UNC80: variants seen among roughly 807,000 people sequenced by gnomAD.
The protein encoded by UNC80 is unc-80 subunit of NALCN channel complex.
In UNC80, 164 loss-of-function variants were observed where a neutral mutation model predicts 384.6. That is an observed-to-expected ratio of 0.43 (90% CI 0.38 to 0.49). The LOEUF (loss-of-function observed/expected upper bound fraction) is 0.49. Among genes scored for constraint, UNC80 ranks in the 20% least tolerant of loss-of-function variants. The probability of loss-of-function intolerance (pLI) is 0.00; values close to 1 mark genes in which losing one functional copy is unlikely to be tolerated. For synonymous variants in UNC80, 1,486 were observed against 1,527.8 expected, an observed-to-expected ratio of 0.97 and a Z score of 0.64; for missense variants, 3,330 against 4,143.0, an observed-to-expected ratio of 0.80 and a Z score of 5.39.
chr2:209,969,933 T>C (rs368222473), intron 53 of UNC80, 42 bp downstream of exon 53: 8 of 1,547,742 alleles, frequency 5.2e-6, no homozygotes, highest in Non-Finnish European at 7.0e-6. Flanking sequence ...TTGCACAATG[T>C]AACTCTGCTA....
At position 209,996,453 on chromosome 2, in the gene UNC80, G is replaced by A. The variant is rs1254295892; in HGVS notation, c.*858G>A. On this transcript the variant is annotated 3_prime_UTR_variant, in exon 65 of 65. Transcript: ENST00000673920. ...AAGATTAGAAGCTATTGGAAAATGT[G>A]ATTAGTAATACTTTTCCTTATAGTA... is the stretch of plus-strand genomic sequence containing the variant. 1 of 152,214 alleles carries A rather than the reference G, an allele frequency of 6.6e-6. No individual in the cohort carries two copies. The highest frequency in any genetic ancestry group is 1.5e-5 in the Non-Finnish European group (1 of 68,020). The allele number at this position is 152,214 out of a possible 1,614,324, so 9.4% of individuals were successfully genotyped here.
intron 26 of UNC80, among the ~76,000 whole-genome samples, chr2:209,889,225 A>AT: frequency 6.6e-6 from 1 of 152,242 alleles, no homozygotes; most frequent in East Asian, 1.9e-4. Context: ...GTTGCTTGTA[A>AT]TTTTTTCAAT....
At chr2:209,808,610 C>G (rs942840062) in intron 7 of UNC80, among the ~76,000 whole-genome samples, 3 of 151,912 alleles carry the variant, frequency 2.0e-5, no homozygotes, top group African/African-American at 7.3e-5. Context: ...CAGAGCGTGG[C>G]CTTAGGGGGA....
chr2:209,800,491 TAAA>T (rs141216729), intron 7 of UNC80, among the ~76,000 whole-genome samples: 7 of 145,176 alleles, frequency 4.8e-5, no homozygotes, highest in African/African-American at 1.8e-4. Flanking sequence ...TTTTGTTATT[TAAA>T]AAAAAAAAAA....
intron 29 of UNC80, among the ~76,000 whole-genome samples, chr2:209,912,224 T>C (rs1353874266): frequency 6.6e-6 from 1 of 152,188 alleles, no homozygotes; most frequent in East Asian, 1.9e-4. Flanking sequence ...TAATTAGCCC[T>C]GAAATGGAAA....
intron 45 of UNC80, 100 bp from the exon 46 acceptor site, chr2:209,944,951 A>G (rs2091842010): frequency 7.5e-7 from 1 of 1,327,830 alleles, no homozygotes; most frequent in East Asian, 2.5e-5. Context: ...TAGATGTTGT[A>G]CTTGTTACTG....
At chr2:209,958,382 C>T (rs1420051087) in intron 49 of UNC80, among the ~76,000 whole-genome samples, 1 of 152,060 alleles carries the variant, frequency 6.6e-6, no homozygotes, top group African/African-American at 2.4e-5. Flanking sequence ...AGTTCTTTTC[C>T]CAGTATGGAA....
Position 209,831,480 on chromosome 2 carries a change from C to G in UNC80, c.2664C>G (p.Asp888Glu). 6.4e-7 allele frequency: 1 copy of G among 1,551,098 alleles called. No individual in the cohort carries two copies. The highest frequency in any genetic ancestry group is 8.7e-7 in the Non-Finnish European group (1 of 1,146,756). ...TTGGAAATAACTTCACCACAGTGGA[C>G]AACAAATCCACAGCCCAAAATGTGG... ...AGFGNNFTTV[D>E]NKSTAQNVEG... is the part of the protein sequence containing the mutation. Residue 888 changes from aspartate to glutamate, a missense_variant, in exon 16 of 65, where the codon GAC becomes GAG. By Grantham distance (45) the Asp-to-Glu change is conservative. Transcript: ENST00000673920.
chr2:209,827,166 A>G (rs571835068), intron 14 of UNC80, among the ~76,000 whole-genome samples: 1 of 152,282 alleles, frequency 6.6e-6, no homozygotes, highest in African/African-American at 2.4e-5. Context: ...ATAATAATTA[A>G]TAAGGCTATA....
At position 209,954,206 on chromosome 2, in the gene UNC80, G is replaced by T; in HGVS notation, c.7393G>T (p.Ala2465Ser). 6.4e-7 allele frequency: 1 copy of T among 1,551,064 alleles called. No individual in the cohort carries two copies. Among genetic ancestry groups the T allele is most frequent in the Non-Finnish European group, 8.7e-7 (1 of 1,146,924 alleles). Residue 2465 changes from alanine (A) to serine (S), a missense_variant, in exon 48 of 65, where the codon GCG becomes TCG. Transcript: ENST00000673920. ...AGTACCTGCTGCCCGAGAGGAGATTGCGGCCACTGCTGCTCTTGCGACGTC... is the reference window on the plus strand; with the variant it reads ...AGTACCTGCTGCCCGAGAGGAGATTTCGGCCACTGCTGCTCTTGCGACGTC... ...ETVPAAREEI[A>S]ATAALATSLQ... is the part of the protein sequence containing the mutation.
In UNC80 at chr2:209,943,460, G is replaced by A; in HGVS notation, c.6996G>A (p.Arg2332=). The stretch of plus-strand genomic sequence containing the variant: ...GTCACCAGTTCTATATTCTACACCG[G>A]AAGCCCTTTGTGCTCCAGCTGTTTG... ...FACHQFYILH[R]KPFVLQLFAS... The change falls in exon 45 of 65, where the codon CGG becomes CGA. Residue 2332 remains arginine, a synonymous_variant. Transcript: ENST00000673920. 1 of 1,551,994 alleles carries A rather than the reference G, an allele frequency of 6.4e-7. No homozygotes were observed. Among genetic ancestry groups the A allele is most frequent in the Non-Finnish European group, 8.7e-7 (1 of 1,147,012 alleles).
At chr2:209,982,001 T>G (rs1216372789) in intron 59 of UNC80, among the ~76,000 whole-genome samples, 178 bp from the exon 60 acceptor site, 1 of 152,216 alleles carries the variant, frequency 6.6e-6, no homozygotes, top group Non-Finnish European at 1.5e-5. Flanking sequence ...CGAAGAATTA[T>G]CATTACCCCC....
At chr2:209,971,719 A>C (rs1169541974) in intron 54 of UNC80, among the ~76,000 whole-genome samples, 1 of 152,204 alleles carries the variant, frequency 6.6e-6, no homozygotes, top group African/African-American at 2.4e-5. Context: ...TGACATCCCT[A>C]AAGTGATACA....
At position 209,820,322 on chromosome 2, in the gene UNC80, G is replaced by A; in HGVS notation, c.1974G>A (p.Lys658=). 1 of 1,541,314 alleles carries A rather than the reference G, an allele frequency of 6.5e-7. No individual in the cohort carries two copies. Among genetic ancestry groups the A allele is most frequent in the Non-Finnish European group, 8.8e-7 (1 of 1,142,644 alleles). ...CTTGTTTTCCTCAGGTAGTTCTGAA[G>A]GCTGTTTATCTTGTCCTTAATCATG... ...NGMLDLSVVL[K]AVYLVLNHDI... is the part of the protein sequence containing the mutation. Residue 658 remains lysine (K), a synonymous_variant, in exon 13 of 65, where the codon AAG becomes AAA. Coordinates refer to ENST00000673920, the MANE Select transcript of UNC80 (RefSeq NM_001371986.1).
chr2:209,940,824 CA>C (rs2091581998), intron 43 of UNC80, among the ~76,000 whole-genome samples: 1 of 151,740 alleles, frequency 6.6e-6, no homozygotes, highest in Non-Finnish European at 1.5e-5. Flanking sequence ...CTCAAAAAAA[CA>C]AAAAACAAAA....
At chr2:209,981,219 G>T (rs934057705) in intron 59 of UNC80, among the ~76,000 whole-genome samples, 1 of 152,144 alleles carries the variant, frequency 6.6e-6, no homozygotes, top group African/African-American at 2.4e-5. Context: ...AGCTCATTTA[G>T]AATTAAGTCA....
rs1027887992 is a variant in UNC80, at chr2:209,813,616, C to T, written c.975C>T (p.Arg325=). 6.4e-7 allele frequency: 1 copy of T among 1,551,730 alleles called. No individual in the cohort carries two copies. Among genetic ancestry groups the T allele is most frequent in the African/African-American group, 1.4e-5 (1 of 73,056 alleles). Residue 325 remains arginine (R), a synonymous_variant, in exon 8 of 65, where the codon CGC becomes CGT. Coordinates refer to ENST00000673920, the MANE Select transcript of UNC80 (RefSeq NM_001371986.1). ...TGATACCTCCGTGCCAAAGGTCCCG[C>T]TATGCCACCTACTTTGACGTTGCTG... is the stretch of plus-strand genomic sequence containing the variant. ...SLVIPPCQRS[R]YATYFDVAVL... is the part of the protein sequence containing the mutation.
chr2:209,972,324 G>A lies in UNC80; in HGVS notation c.8380G>A (p.Asp2794Asn). ...FVLTVGSGSKDSPWLEQPEVQ... is the reference protein window; with the variant it reads ...FVLTVGSGSKNSPWLEQPEVQ... Reference sequence around the variant, plus strand: ...GCTCACAGTAGGATCTGGAAGCAAAGGTCTGATTAATTTAACTAAAGGAAA... The same window carrying A: ...GCTCACAGTAGGATCTGGAAGCAAAAGTCTGATTAATTTAACTAAAGGAAA... The change falls in exon 55 of 65, where the codon GAT becomes AAT. Residue 2794 changes from aspartate to asparagine, a missense_variant and splice_region_variant. Physicochemically the swap from Asp to Asn is conservative, Grantham distance 23 (BLOSUM62 1). Transcript: ENST00000673920. 1.3e-6 allele frequency: 2 copies of A among 1,549,420 alleles called. No homozygotes were observed. Among genetic ancestry groups the A allele is most frequent in the Non-Finnish European group, 1.7e-6 (2 of 1,146,120 alleles).
intron 18 of UNC80, among the ~76,000 whole-genome samples, chr2:209,838,014 G>T (rs1428719100): frequency 6.6e-6 from 1 of 151,928 alleles, no homozygotes; most frequent in Non-Finnish European, 1.5e-5. Flanking sequence ...CTCATGATCC[G>T]CCTGCCTCGG....
Sources: allele counts gnomAD v4.1 joint callset (sites outside exome capture counted in the v4.1 genomes callset), GRCh38; gene constraint gnomAD v4.1.1; transcripts MANE v1.5; gene names NCBI Gene and HGNC (gene_info 2026-07-23, HGNC 2026-07-21).